ZNF195: variants seen among roughly 807,000 people sequenced by gnomAD.
ZNF195 encodes zinc finger protein 195.
ZNF195 carries 11 observed loss-of-function variants against 19.5 expected under a neutral mutation model. That is an observed-to-expected ratio of 0.57 (90% CI 0.36 to 0.94). The LOEUF is 0.94. Among genes scored for constraint, ZNF195 ranks in the 40% least tolerant of loss-of-function variants. The pLI, the probability that ZNF195 is intolerant of heterozygous loss-of-function variation, is 0.01. For synonymous variants in ZNF195, 214 were observed against 248.1 expected, an observed-to-expected ratio of 0.86 and a Z score of 1.29; for missense variants, 582 against 709.0, an observed-to-expected ratio of 0.82 and a Z score of 2.03.
At position 3,361,751 on chromosome 11, in the gene ZNF195, T is replaced by C. The variant is rs1304358587; in HGVS notation, c.365A>G (p.Lys122Arg). 6.9e-6 allele frequency: 9 copies of C among 1,300,104 alleles called. No individual in the cohort carries two copies. In the African/African-American group the frequency reaches 9.1e-5, roughly 13 times the overall value. The allele number at this position is 1,300,104 out of a possible 1,614,324, so 80.5% of individuals were successfully genotyped here. A position where few individuals can be genotyped will look rare whatever the true frequency, so the allele number is the denominator to read the frequency against. The change falls in exon 4 of 6, where the codon AAA (lysine) becomes AGA (arginine). Residue 122 changes from lysine to arginine, a missense_variant. Physicochemically the swap from Lys to Arg is conservative, Grantham distance 26. This residue lies in a region of ZNF195 where 129 missense variants were observed against 112.1 expected (regional missense o/e 1.15). Coordinates refer to ENST00000399602, the MANE Select transcript of ZNF195 (RefSeq NM_001130520.3). ...TGCTCTTAGGAGATTACCAGTGAAT[T>C]TGTCCACAGAAACATTGAGGCCTGG... is the stretch of plus-strand genomic sequence containing the variant. ...AQPGLNVSVD[K>R]FTALCSPGVL...
chr11:3,360,448 T>G lies in ZNF195; in HGVS notation c.560A>C (p.Lys187Thr), dbSNP rs1191275838. 6.2e-7 allele frequency: 1 copy of G among 1,612,444 alleles called. No homozygotes were observed. Among genetic ancestry groups the G allele is most frequent in the African/African-American group, 1.3e-5 (1 of 74,676 alleles). The change falls in exon 6 of 6, where the codon AAA becomes ACA. Residue 187 changes from lysine to threonine, a missense_variant. Physicochemically the swap from Lys to Thr is moderately conservative, Grantham distance 78 (BLOSUM62 -1). Transcript: ENST00000399602. Reference protein sequence around the residue: ...NCGLDNLYLRKDWESLDECKL... With the variant: ...NCGLDNLYLRTDWESLDECKL... ...ACACTCATCTAAACTTTCCCAGTCT[T>G]TCCTTAAATATAAATTATCAAGGCC...
intron 2 of ZNF195, among the ~76,000 whole-genome samples, chr11:3,371,372 T>A (rs1261129095): frequency 2.0e-5 from 3 of 151,460 alleles, no homozygotes; most frequent in Non-Finnish European, 4.4e-5. Context: ...ACAGATCAGC[T>A]GAAAAAAAAG....
chr11:3,360,651 C>A, intron 5 of ZNF195, 69 bp downstream of exon 5: 1 of 1,556,546 alleles, frequency 6.4e-7, no homozygotes, highest in Non-Finnish European at 8.7e-7. Context: ...ATACTGGGTA[C>A]ATTAGCAAAA....
chr11:3,359,728 T>C lies in ZNF195; in HGVS notation c.1280A>G (p.Lys427Arg), dbSNP rs1338743154. ...SIFKWFSDLT[K>R]HKRIHTGEKP... is the part of the protein sequence containing the mutation. ...CTCACCAGTGTGAATTCTCTTATGT[T>C]TAGTAAGGTCTGAGAACCACTTGAA... Residue 427 changes from lysine to arginine, a missense_variant, in exon 6 of 6, where the codon AAA (lysine) becomes AGA (arginine). By Grantham distance (26) the Lys-to-Arg change is conservative. Transcript: ENST00000399602. This position sits in a 1 kb window ranked among gnomAD's most constrained non-coding sequence, Gnocchi z 5.5. 1.2e-6 allele frequency: 2 copies of C among 1,614,220 alleles called. No individual in the cohort carries two copies. The highest frequency in any genetic ancestry group is 1.7e-6 in the Non-Finnish European group (2 of 1,180,044).
At position 3,359,391 on chromosome 11, in the gene ZNF195, T is replaced by G; in HGVS notation, c.1617A>C (p.Val539=). Reference sequence around the variant, plus strand: ...TCTCTCCAGTATGAATTCTCTTATGTACAATAAGGTTGGAGGACTGGGTAA... The same window carrying G: ...TCTCTCCAGTATGAATTCTCTTATGGACAATAAGGTTGGAGGACTGGGTAA... The part of the protein sequence containing the change: ...KNFTQSSNLI[V]HKRIHTGEKP... The change falls in exon 6 of 6, where the codon GTA becomes GTC. Residue 539 remains valine (V), a synonymous_variant. Transcript: ENST00000399602. The surrounding 1 kb of genome is among the most constrained non-coding windows in gnomAD (Gnocchi z 5.5). 1 of 1,614,214 alleles carries G rather than the reference T, an allele frequency of 6.2e-7. No homozygotes were observed. Among genetic ancestry groups the G allele is most frequent in the Non-Finnish European group, 8.5e-7 (1 of 1,180,034 alleles).
chr11:3,372,764 C>T (rs922892495), intron 1 of ZNF195, among the ~76,000 whole-genome samples: 6 of 152,222 alleles, frequency 3.9e-5, no homozygotes, highest in African/African-American at 1.2e-4. Context: ...CTGAGTCTCA[C>T]TCTGTAGCCC....
chr11:3,360,364 A>C lies in ZNF195; in HGVS notation c.644T>G (p.Ile215Ser), dbSNP rs541168448. ...TTTAACATATTTATTATATTGAAAG[A>C]TTTTGCTATGGGTAGTTGATGAACA... ...NQCSSTTHSKIFQYNKYVKIF... is the reference protein window; with the variant it reads ...NQCSSTTHSKSFQYNKYVKIF... Residue 215 changes from isoleucine (I) to serine (S), a missense_variant, in exon 6 of 6, where the codon ATC becomes AGC. Ile to Ser is a moderately radical substitution (Grantham distance 142). Around this residue, in one of 3 missense-constraint regions of ZNF195, gnomAD observed 407 missense variants for 530.5 expected, o/e 0.77. Transcript: ENST00000399602. 1 of 1,605,234 alleles carries C rather than the reference A, an allele frequency of 6.2e-7. No individual in the cohort carries two copies. The highest frequency in any genetic ancestry group is 1.7e-5 in the Admixed American group (1 of 58,872).
chr11:3,362,264 G>A (rs931694491), intron 3 of ZNF195, among the ~76,000 whole-genome samples: 2 of 152,026 alleles, frequency 1.3e-5, no homozygotes, highest in East Asian at 1.9e-4. Context: ...AAAATAATGC[G>A]ATGCTATAAA....
chr11:3,362,558 TTAA>T (rs1359386502), intron 3 of ZNF195: 1 of 596,380 alleles, frequency 1.7e-6, no homozygotes, highest in South Asian at 2.0e-5. Context: ...TGTTGTAACT[TTAA>T]GATGTTTTAT....
intron 1 of ZNF195, chr11:3,375,796 C>G (rs952770960): frequency 1.3e-5 from 2 of 152,200 alleles, no homozygotes; most frequent in African/African-American, 2.4e-5. Context: ...AGGGGAGGAA[C>G]AAACCCTGGG....
intron 3 of ZNF195, chr11:3,362,572 A>G (rs1449693241): frequency 6.6e-6 from 4 of 602,160 alleles, no homozygotes; most frequent in East Asian, 2.8e-5. Flanking sequence ...GATGTTTTAT[A>G]TAATTTCCAT....
Position 3,358,991 on chromosome 11 carries a change from T to G in ZNF195, c.*127A>C, listed in dbSNP as rs913310441. On this transcript the variant is annotated 3_prime_UTR_variant, in exon 6 of 6. Coordinates refer to ENST00000399602, the MANE Select transcript of ZNF195 (RefSeq NM_001130520.3). The stretch of plus-strand genomic sequence containing the variant: ...CTCTTGTGTGCTCTGGAGACTTATA[T>G]TTCATGAAAGGTCTTTCAATAGTAA... 8.2e-7 allele frequency: 1 copy of G among 1,220,922 alleles called. No homozygotes were observed. Among genetic ancestry groups the G allele is most frequent in the Admixed American group, 3.4e-5 (1 of 29,508 alleles). The allele number at this position is 1,220,922 out of a possible 1,614,324, so 75.6% of individuals were successfully genotyped here.
At chr11:3,369,458 T>C in intron 3 of ZNF195, 1 of 451,758 alleles carries the variant, frequency 2.2e-6, no homozygotes, top group South Asian at 1.6e-5. Flanking sequence ...TGCAGCATTA[T>C]TCACAATTGT....
At position 3,360,593 on chromosome 11, in the gene ZNF195, C is replaced by A. The variant is rs757981759; in HGVS notation, c.443-28G>T. ...GAAAAAAAAAAAAAAAGTTATCCGA[C>A]TTACTAGACACAGATGAATACACTT... On this transcript the variant is annotated intron_variant, in intron 5 of 5. Coordinates refer to ENST00000399602, the MANE Select transcript of ZNF195 (RefSeq NM_001130520.3). The A allele has an allele frequency of 4.5e-6, 7 of 1,548,808 alleles. No homozygotes were observed. The East Asian group carries it at 1.1e-4, about 25-fold the overall frequency.
chr11:3,371,188 T>G (rs1379552048), intron 2 of ZNF195, 118 bp from the exon 3 acceptor site: 1 of 978,432 alleles, frequency 1.0e-6, no homozygotes. Context: ...CCCAAAATTA[T>G]GCTTCCTGAC....
chr11:3,375,436 A>C (rs1849413212), intron 1 of ZNF195: 1 of 152,198 alleles, frequency 6.6e-6, no homozygotes, highest in Non-Finnish European at 1.5e-5. Flanking sequence ...AAAGCAACAG[A>C]AATAATACCA....
At position 3,361,791 on chromosome 11, in the gene ZNF195, T is replaced by G; in HGVS notation, c.325A>C (p.Asn109His). 8.7e-7 allele frequency: 1 copy of G among 1,145,304 alleles called. No individual in the cohort carries two copies. The highest frequency in any genetic ancestry group is 1.2e-6 in the Non-Finnish European group (1 of 844,078). The allele number at this position is 1,145,304 out of a possible 1,614,324, so 70.9% of individuals were successfully genotyped here. A position where few individuals can be genotyped will look rare whatever the true frequency, so the allele number is the denominator to read the frequency against. The change falls in exon 4 of 6, where the codon AAC (asparagine) becomes CAC (histidine). Residue 109 changes from asparagine (N) to histidine (H), a missense_variant. Physicochemically the swap from Asn to His is moderately conservative, Grantham distance 68. Around this residue, in one of 3 missense-constraint regions of ZNF195, gnomAD observed 129 missense variants for 112.1 expected, o/e 1.15. Coordinates refer to ENST00000399602, the MANE Select transcript of ZNF195 (RefSeq NM_001130520.3). ...ASQSAGITGV[N>H]HRAQPGLNVS... ...TTGAGGCCTGGCTGGGCACGGTGGT[T>G]CACACCTGTAATCCCAGCACTTTGG...
In ZNF195 at chr11:3,359,822, T is replaced by C; in HGVS notation, c.1186A>G (p.Asn396Asp). The C allele has an allele frequency of 1.9e-6, 3 of 1,614,108 alleles. No homozygotes were observed. Among genetic ancestry groups the C allele is most frequent in the Non-Finnish European group, 2.5e-6 (3 of 1,180,032 alleles). Reference protein sequence around the residue: ...TWYKGFNHSPNPSKHQRNEIG... With the variant: ...TWYKGFNHSPDPSKHQRNEIG... ...TCATTTCTCTGGTGTTTGGAAGGAT[T>C]TGGGCTGTGGTTAAAACCTTTGTAC... Residue 396 changes from asparagine (N) to aspartate (D), a missense_variant, in exon 6 of 6, where the codon AAT becomes GAT. Asn to Asp is a conservative substitution (Grantham distance 23). This residue lies in a region of ZNF195 where 407 missense variants were observed against 530.5 expected (regional missense o/e 0.77). Transcript: ENST00000399602. The surrounding 1 kb of genome is among the most constrained non-coding windows in gnomAD (Gnocchi z 5.5).
chr11:3,368,791 C>T (rs1401778488), intron 3 of ZNF195: 2 of 454,148 alleles, frequency 4.4e-6, no homozygotes, highest in African/African-American at 2.0e-5. Flanking sequence ...ATCCACTTAA[C>T]TAATCTTTCA....
Sources: gnomAD v4.1 joint callset for allele counts (sites outside exome capture counted in the v4.1 genomes callset) on GRCh38, gnomAD v4.1.1 for gene constraint, gnomAD v4.1.1 regional missense constraint, Gnocchi (gnomAD v3.1) non-coding constraint, MANE v1.5 for transcripts, NCBI Gene and HGNC (gene_info 2026-07-23, HGNC 2026-07-21) for gene names.